The following TTC29 variants were observed in gnomAD, a reference collection of about 807,000 sequenced individuals.
TTC29 encodes tetratricopeptide repeat protein 29.
Under a neutral mutation model 58.1 loss-of-function variants are expected in TTC29, and 49 were observed. The observed-to-expected ratio is 0.84, with a 90% confidence interval of 0.67 to 1.07. The LOEUF is 1.07. TTC29 is among the 50% of genes least tolerant of loss of function. The pLI is 0.00. For synonymous variants in TTC29, 209 were observed against 196.8 expected (o/e 1.06, Z -0.52); for missense variants, 582 against 555.6 (o/e 1.05, Z -0.48).
chr4:146,722,157 GA>G (rs774497505), intron 11 of TTC29, among the ~76,000 whole-genome samples: 5 of 152,054 alleles, frequency 3.3e-5, no homozygotes, highest in Non-Finnish European at 5.9e-5. Context: ...ACTGCTCAAA[GA>G]AACCATAGAT....
chr4:146,770,150 A>G (rs1579632996), intron 11 of TTC29, among the ~76,000 whole-genome samples: 1 of 151,976 alleles, frequency 6.6e-6, no homozygotes, highest in Admixed American at 6.6e-5. Flanking sequence ...ACACTCAATT[A>G]ATGCCTATTT....
chr4:146,885,534 G>T (rs1198153967), intron 6 of TTC29, among the ~76,000 whole-genome samples: 1 of 151,946 alleles, frequency 6.6e-6, no homozygotes, highest in Non-Finnish European at 1.5e-5. Flanking sequence ...TATTTTAAAA[G>T]GCTGTGCAAT....
At position 146,725,247 on chromosome 4, in the gene TTC29, T is replaced by C. The variant is rs139237307; in HGVS notation, c.1331-17696A>G. ...TACTTATTCAGATGATAAAAATTAC[T>C]GGAAAGGCCAGACTGGTAGATCACA... On this transcript the variant is annotated intron_variant, in intron 11 of 12. Coordinates refer to ENST00000325106, the MANE Select transcript of TTC29 (RefSeq NM_031956.4). Among the ~76,000 whole-genome samples the C allele has an allele frequency of 1.9e-4, 29 of 152,252 alleles. No individual in the cohort carries two copies. The East Asian group carries it at 5.6e-3, about 29-fold the overall frequency.
chr4:146,779,582 A>G (rs905007276), intron 11 of TTC29, among the ~76,000 whole-genome samples: 1 of 152,164 alleles, frequency 6.6e-6, no homozygotes, highest in Non-Finnish European at 1.5e-5. Context: ...GTAAAAGAGT[A>G]GATGATATAA....
intron 8 of TTC29, among the ~76,000 whole-genome samples, chr4:146,849,447 G>A (rs1729376693): frequency 6.6e-6 from 1 of 151,998 alleles, no homozygotes; most frequent in Non-Finnish European, 1.5e-5. Flanking sequence ...ACTGCCTTCT[G>A]CCCCAGTTGC....
At chr4:146,741,264 G>T (rs1745127031) in intron 11 of TTC29, among the ~76,000 whole-genome samples, 1 of 152,066 alleles carries the variant, frequency 6.6e-6, no homozygotes, top group Non-Finnish European at 1.5e-5. Flanking sequence ...AAAAACTGAA[G>T]AACTTTATTG....
chr4:146,882,950 CTCTG>C (rs1046506893), intron 6 of TTC29, among the ~76,000 whole-genome samples: 12 of 151,878 alleles, frequency 7.9e-5, no homozygotes, highest in Middle Eastern at 3.2e-3. Context: ...CTCTCTCTCT[CTCTG>C]TGTGTGTGCA....
At chr4:146,771,973 T>C (rs1747771575) in intron 11 of TTC29, among the ~76,000 whole-genome samples, 1 of 152,204 alleles carries the variant, frequency 6.6e-6, no homozygotes, top group South Asian at 2.1e-4. Context: ...TATCTCATTG[T>C]GATTTTAATT....
intron 11 of TTC29, among the ~76,000 whole-genome samples, chr4:146,740,726 A>G (rs2150033672): frequency 6.6e-6 from 1 of 152,128 alleles, no homozygotes; most frequent in South Asian, 2.1e-4. Context: ...TTTTTTTAAA[A>G]TTTTTTAGAG....
At chr4:146,734,158 C>A (rs2150025059) in intron 11 of TTC29, among the ~76,000 whole-genome samples, 1 of 152,172 alleles carries the variant, frequency 6.6e-6, no homozygotes, top group South Asian at 2.1e-4. Context: ...TGATTGATTG[C>A]AAACCAAAAG....
Position 146,707,203 on chromosome 4 carries a change from A to C in TTC29, c.1398-15T>G. On this transcript the variant is annotated splice_polypyrimidine_tract_variant and intron_variant, in intron 12 of 12. Coordinates refer to ENST00000325106, the MANE Select transcript of TTC29 (RefSeq NM_031956.4). ...CACCTGGAAACCTGAAATAAAATAA[A>C]TTATAAATTTAACTTTTATACTGGG... is the stretch of plus-strand genomic sequence containing the variant. 6.8e-7 allele frequency: 1 copy of C among 1,470,618 alleles called. No homozygotes were observed. Among genetic ancestry groups the C allele is most frequent in the Non-Finnish European group, 9.1e-7 (1 of 1,095,216 alleles). 91.1% of individuals were successfully genotyped at this position (1,470,618 alleles called of 1,614,324 possible). A position where few individuals can be genotyped will look rare whatever the true frequency, so the allele number is the denominator to read the frequency against.
At chr4:146,854,656 A>G (rs930289228) in intron 8 of TTC29, among the ~76,000 whole-genome samples, 2 of 152,090 alleles carry the variant, frequency 1.3e-5, no homozygotes, top group African/African-American at 4.8e-5. Flanking sequence ...GTGGGCTGGT[A>G]TGCCACCAGG....
At chr4:146,896,312 C>T (rs1473311554) in intron 6 of TTC29, among the ~76,000 whole-genome samples, 1 of 152,166 alleles carries the variant, frequency 6.6e-6, no homozygotes, top group African/African-American at 2.4e-5. Context: ...AACTGTACAG[C>T]ATTTCAACTC....
chr4:146,903,619 G>A lies in TTC29; in HGVS notation c.511C>T (p.Gln171Ter), dbSNP rs765460466. ...HFYERCFKIA[Q>*]LIKIDCGKKE... ...TTCCCACAGTCAATTTTGATCAGCTGAGCAATCTTAAAACATCGTTCATAG... is the reference window on the plus strand; with the variant it reads ...TTCCCACAGTCAATTTTGATCAGCTAAGCAATCTTAAAACATCGTTCATAG... Residue 171 changes from glutamine (Q) to a stop codon, truncating the protein, a stop_gained, in exon 6 of 13, where the codon CAG becomes TAG. Coordinates refer to ENST00000325106, the MANE Select transcript of TTC29 (RefSeq NM_031956.4). LOFTEE classifies it high-confidence loss of function. The A allele has an allele frequency of 1.9e-6, 3 of 1,612,872 alleles. No homozygotes were observed. Among genetic ancestry groups the A allele is most frequent in the Non-Finnish European group, 2.5e-6 (3 of 1,179,410 alleles).
chr4:146,827,340 TG>T (rs1727878036), intron 9 of TTC29, among the ~76,000 whole-genome samples: 1 of 152,240 alleles, frequency 6.6e-6, no homozygotes. Context: ...CCCAGCTTCT[TG>T]TAGGCCATCT....
chr4:146,775,190 T>A (rs895383826), intron 11 of TTC29, among the ~76,000 whole-genome samples: 1 of 152,336 alleles, frequency 6.6e-6, no homozygotes, highest in Non-Finnish European at 1.5e-5. Flanking sequence ...TGTGTCTTGC[T>A]TCTTTATCCA....
At chr4:146,753,528 T>C (rs1413585497) in intron 11 of TTC29, among the ~76,000 whole-genome samples, 2 of 152,174 alleles carry the variant, frequency 1.3e-5, no homozygotes, top group Admixed American at 1.3e-4. Context: ...GAAATACCAT[T>C]TGACCCAGCC....
intron 11 of TTC29, among the ~76,000 whole-genome samples, chr4:146,772,142 G>C (rs556613677): frequency 7.2e-4 from 109 of 152,204 alleles, no homozygotes; most frequent in Admixed American, 1.2e-3. Flanking sequence ...ATAGATTCTG[G>C]ATATTAGACC....
chr4:146,734,736 G>A (rs543199263), intron 11 of TTC29, among the ~76,000 whole-genome samples: 2 of 152,258 alleles, frequency 1.3e-5, no homozygotes, highest in African/African-American at 2.4e-5. Context: ...TTGCTGTGGT[G>A]TGAAAGTAGA....
Sources: allele counts gnomAD v4.1 joint callset (sites outside exome capture counted in the v4.1 genomes callset), GRCh38; gene constraint gnomAD v4.1.1; transcripts MANE v1.5; gene names NCBI Gene and HGNC (gene_info 2026-07-23, HGNC 2026-07-21).